The following CTSE variants were observed in gnomAD, a reference collection of about 807,000 sequenced individuals.
CTSE encodes cathepsin E.
CTSE carries 43 observed loss-of-function variants against 42.8 expected under a neutral mutation model. The observed-to-expected ratio is 1.01, with a 90% confidence interval of 0.79 to 1.30. CTSE has a LOEUF of 1.30. CTSE is among the 50% of genes most tolerant of loss of function. The probability of loss-of-function intolerance (pLI) is 0.00; values close to 1 mark genes in which losing one functional copy is unlikely to be tolerated. For synonymous variants in CTSE, 205 were observed against 191.5 expected (o/e 1.07, Z -0.58); for missense variants, 532 against 493.5 (o/e 1.08, Z -0.74).
intron 5 of CTSE, 28 bp from the exon 6 acceptor site, chr1:206,013,922 A>G: frequency 6.2e-7 from 1 of 1,611,932 alleles, no homozygotes. Flanking sequence ...CAAACTGTCC[A>G]GGAAGGGCCA....
At chr1:206,011,601 G>A (rs1431139914) in intron 8 of CTSE, among the ~76,000 whole-genome samples, 1 of 152,030 alleles carries the variant, frequency 6.6e-6, no homozygotes, top group Non-Finnish European at 1.5e-5. Flanking sequence ...GGAGTTAATA[G>A]AGGCTTAGGG....
At chr1:206,014,188 G>A (rs1017471175) in intron 5 of CTSE, 1 of 348,106 alleles carries the variant, frequency 2.9e-6, no homozygotes, top group Non-Finnish European at 5.4e-6. Flanking sequence ...TCAGAACCAA[G>A]GCCAGGACCA....
chr1:206,018,776 A>G (rs1661330345), intron 4 of CTSE, among the ~76,000 whole-genome samples: 1 of 151,526 alleles, frequency 6.6e-6, no homozygotes, highest in Admixed American at 6.6e-5. Flanking sequence ...CTTTTTTCTT[A>G]TTTAGTCATG....
At position 206,022,172 on chromosome 1, in the gene CTSE, C is replaced by T. The variant is rs782407891; in HGVS notation, c.321G>A (p.Val107=). ...TACTGCAGGCTGGGCTAGTGCAGTA[C>T]ACAGAGGGGACCCAGAGGTTGGAGG... is the stretch of plus-strand genomic sequence containing the variant. ...TGSSNLWVPS[V]YCTSPACKTH... The change falls in exon 3 of 9, where the codon GTG becomes GTA. Residue 107 remains valine (V), a synonymous_variant. Transcript: ENST00000358184. 48 of 1,610,734 alleles carry T rather than the reference C, an allele frequency of 3.0e-5. 1 individual carries two copies. The highest frequency in any genetic ancestry group is 1.6e-4 in the Middle Eastern group (1 of 6,078).
intron 6 of CTSE, 50 bp downstream of exon 6, chr1:206,013,722 T>C (rs1218886725): frequency 6.3e-7 from 1 of 1,589,434 alleles, no homozygotes; most frequent in Non-Finnish European, 8.6e-7. Context: ...GAGTTGTGCC[T>C]CTTTTCAGTT....
rs1553277651 is a variant in CTSE at position 206,015,987 on chromosome 1, G to A, written c.606C>T (p.Asp202=). The stretch of plus-strand genomic sequence containing the variant: ...CCACCAGGTTCTGAGCCATCATGTT[G>A]TCAAATACTGGAGTCACTCCTCCCA... ...LAVGGVTPVF[D]NMMAQNLVDL... is the part of the protein sequence containing the mutation. Residue 202 remains aspartate, a synonymous_variant, in exon 5 of 9, where the codon GAC becomes GAT. Transcript: ENST00000358184. 1 of 1,613,900 alleles carries A rather than the reference G, an allele frequency of 6.2e-7. No individual in the cohort carries two copies. The highest frequency in any genetic ancestry group is 1.1e-5 in the South Asian group (1 of 91,082).
Position 206,012,585 on chromosome 1 carries a change from T to C in CTSE, c.850A>G (p.Thr284Ala). The C allele has an allele frequency of 3.1e-6, 5 of 1,613,914 alleles. No homozygotes were observed. The highest frequency in any genetic ancestry group is 4.2e-6 in the Non-Finnish European group (5 of 1,179,902). The change falls in exon 7 of 9, where the codon ACT becomes GCT. Residue 284 changes from threonine (T) to alanine (A), a missense_variant. By Grantham distance (58) the Thr-to-Ala change is moderately conservative. Coordinates refer to ENST00000358184, the MANE Select transcript of CTSE (RefSeq NM_001910.4). The stretch of plus-strand genomic sequence containing the variant: ...TCGGAAGGGCCAGTGATGAGGGAAG[T>C]CCCTGTGTCCACAATGGCCTGGCAG... The part of the protein sequence containing the change: ...EGCQAIVDTG[T>A]SLITGPSDKI...
At chr1:206,011,235 C>T (rs1553276898) in intron 8 of CTSE, among the ~76,000 whole-genome samples, 1 of 151,918 alleles carries the variant, frequency 6.6e-6, no homozygotes, top group African/African-American at 2.4e-5. Flanking sequence ...AAATGATCTT[C>T]TAAAAGAACC....
At position 206,013,845 on chromosome 1, in the gene CTSE, G is replaced by T; in HGVS notation, c.712C>A (p.His238Asn). The T allele has an allele frequency of 1.2e-6, 2 of 1,613,714 alleles. No individual in the cohort carries two copies. Among genetic ancestry groups the T allele is most frequent in the Non-Finnish European group, 1.7e-6 (2 of 1,179,722 alleles). Residue 238 changes from histidine (H) to asparagine (N), a missense_variant, in exon 6 of 9, where the codon CAC (histidine) becomes AAC (asparagine). Physicochemically the swap from His to Asn is moderately conservative, Grantham distance 68. Transcript: ENST00000358184. ...GSELIFGGYD[H>N]SHFSGSLNWV... is the part of the protein sequence containing the mutation. ...TTCAGGCTCCCAGAGAAATGGGAGTGGTCGTAGCCTCCAAAAATCAGCTCG... is the reference window on the plus strand; with the variant it reads ...TTCAGGCTCCCAGAGAAATGGGAGTTGTCGTAGCCTCCAAAAATCAGCTCG...
chr1:206,015,981 C>G lies in CTSE; in HGVS notation c.612G>C (p.Met204Ile), dbSNP rs781899501. ...VGGVTPVFDN[M>I]MAQNLVDLPM... ...GCAAGTCCACCAGGTTCTGAGCCAT[C>G]ATGTTGTCAAATACTGGAGTCACTC... The change falls in exon 5 of 9, where the codon ATG (methionine) becomes ATC (isoleucine). Residue 204 changes from methionine (M) to isoleucine (I), a missense_variant. Transcript: ENST00000358184. 6.2e-7 allele frequency: 1 copy of G among 1,613,916 alleles called. No homozygotes were observed. Among genetic ancestry groups the G allele is most frequent in the East Asian group, 2.2e-5 (1 of 44,888 alleles).
intron 5 of CTSE, among the ~76,000 whole-genome samples, chr1:206,014,779 CG>C (rs1661216758): frequency 6.6e-6 from 1 of 152,052 alleles, no homozygotes; most frequent in Non-Finnish European, 1.5e-5. Flanking sequence ...TCCCAGGCGA[CG>C]GGAGAAGGAA....
chr1:206,017,920 C>A (rs1661305963), intron 4 of CTSE, among the ~76,000 whole-genome samples: 1 of 152,008 alleles, frequency 6.6e-6, no homozygotes, highest in East Asian at 1.9e-4. Context: ...GTTATTTCTT[C>A]CTTTTCCATC....
chr1:206,015,478 T>A (rs1571813716), intron 5 of CTSE, among the ~76,000 whole-genome samples: 1 of 152,194 alleles, frequency 6.6e-6, no homozygotes, highest in African/African-American at 2.4e-5. Context: ...TCTTCCTTTT[T>A]AAGGCTGAAT....
chr1:206,010,203 G>T lies in CTSE; in HGVS notation c.1171C>A (p.Leu391Met). The T allele has an allele frequency of 6.2e-7, 1 of 1,613,780 alleles. No individual in the cohort carries two copies. The highest frequency in any genetic ancestry group is 1.1e-5 in the South Asian group (1 of 91,068). Reference protein sequence around the residue: ...VFDRGNNRVGLAPAVP With the variant: ...VFDRGNNRVGMAPAVP ...CCTCCTTAGGGGACTGCTGGGGCCA[G>T]TCCCACACGGTTATTCCCACGGTCA... Residue 391 changes from leucine to methionine, a missense_variant, in exon 9 of 9, where the codon CTG (leucine) becomes ATG (methionine). Transcript: ENST00000358184.
At chr1:206,018,545 G>A (rs544741685) in intron 4 of CTSE, among the ~76,000 whole-genome samples, 21 of 151,850 alleles carry the variant, frequency 1.4e-4, no homozygotes, top group African/African-American at 5.1e-4. Flanking sequence ...GCTTTTCTTC[G>A]TGGAGTTTTC....
chr1:206,021,169 T>C lies in CTSE; in HGVS notation c.344-2A>G, dbSNP rs1443463004. The C allele has an allele frequency of 1.2e-6, 2 of 1,604,560 alleles. No homozygotes were observed. Among genetic ancestry groups the C allele is most frequent in the Admixed American group, 1.7e-5 (1 of 59,988 alleles). ...AAGGCTGGAACCTGCTGTGCGTCTC[T>C]GGAAAGAAGTGCACTGCTCTTGCTT... On this transcript the variant is annotated splice_acceptor_variant, in intron 3 of 8. Transcript: ENST00000358184. LOFTEE classifies it high-confidence loss of function.
intron 2 of CTSE, 30 bp from the exon 3 acceptor site, chr1:206,022,297 T>G: frequency 3.4e-6 from 5 of 1,476,284 alleles, no homozygotes; most frequent in Non-Finnish European, 4.7e-6. Context: ...GGAAAGAGGG[T>G]GTGGGTGGTG....
In CTSE at chr1:206,022,915, T is replaced by C; in HGVS notation, c.211A>G (p.Ile71Val). ...GGAGGCCTCACATCCAAGTAGTTGA[T>C]GAGGGGTTCCTTGGCACTCTGGTCC... ...SMDQSAKEPLINYLDMEYFGT... is the reference protein window; with the variant it reads ...SMDQSAKEPLVNYLDMEYFGT... Residue 71 changes from isoleucine (I) to valine (V), a missense_variant, in exon 2 of 9, where the codon ATC becomes GTC. By Grantham distance (29) the Ile-to-Val change is conservative. Transcript: ENST00000358184. The C allele has an allele frequency of 1.9e-6, 3 of 1,581,984 alleles. No individual in the cohort carries two copies. The highest frequency in any genetic ancestry group is 1.2e-5 in the South Asian group (1 of 85,934).
In CTSE at chr1:206,009,911, T is replaced by C. The variant is rs1661035113; in HGVS notation, c.*272A>G. 2.3e-6 allele frequency: 1 copy of C among 438,588 alleles called. No individual in the cohort carries two copies. Among genetic ancestry groups the C allele is most frequent in the African/African-American group, 2.0e-5 (1 of 50,436 alleles). 27.2% of individuals were successfully genotyped at this position (438,588 alleles called of 1,614,324 possible). A position where few individuals can be genotyped will look rare whatever the true frequency, so the allele number is the denominator to read the frequency against. On this transcript the variant is annotated 3_prime_UTR_variant, in exon 9 of 9. Transcript: ENST00000358184. ...CATAATCAAATGTGAAAATTTTTGA[T>C]TTTCATAATCAAAAATCAATACAAA...
Sources: gnomAD v4.1 joint callset for allele counts (sites outside exome capture counted in the v4.1 genomes callset) on GRCh38, gnomAD v4.1.1 for gene constraint, MANE v1.5 for transcripts, NCBI Gene and HGNC (gene_info 2026-07-23, HGNC 2026-07-21) for gene names.